Variants in INPP5F observed in about 807,000 individuals in gnomAD.
The protein encoded by INPP5F is inositol polyphosphate-5-phosphatase F, also known as phosphatidylinositide 4-phosphatase SAC2.
Under a neutral mutation model 137.2 loss-of-function variants are expected in INPP5F, and 97 were observed. That is an observed-to-expected ratio of 0.71 (90% CI 0.60 to 0.84). The LOEUF is 0.84. INPP5F is among the 40% of genes least tolerant of loss of function. INPP5F has a pLI of 0.00. For synonymous variants in INPP5F, 504 were observed against 476.9 expected (o/e 1.06, Z -0.74); for missense variants, 1,271 against 1,371.9 (o/e 0.93, Z 1.16).
intron 2 of INPP5F, among the ~76,000 whole-genome samples, chr10:119,769,387 C>T (rs901056342): frequency 6.6e-6 from 1 of 152,184 alleles, no homozygotes; most frequent in African/African-American, 2.4e-5. Context: ...CCTACCTCAG[C>T]CTCCTGAGTA....
At chr10:119,823,934 C>A in intron 19 of INPP5F, 32 bp downstream of exon 19, 1 of 1,462,854 alleles carries the variant, frequency 6.8e-7, no homozygotes, top group Non-Finnish European at 9.6e-7. Flanking sequence ...AGAATAAAGG[C>A]ATTCTTATCC....
intron 1 of INPP5F, among the ~76,000 whole-genome samples, chr10:119,730,989 A>G (rs913042045): frequency 6.6e-6 from 1 of 151,886 alleles, no homozygotes; most frequent in African/African-American, 2.4e-5. Context: ...GGGTTTTACC[A>G]TGTTGGCCAG....
intron 1 of INPP5F, among the ~76,000 whole-genome samples, chr10:119,746,035 G>T (rs914818381): frequency 1.3e-5 from 2 of 152,018 alleles, no homozygotes; most frequent in African/African-American, 4.8e-5. Flanking sequence ...TTTTTCCACA[G>T]TTGGCCTTAG....
At chr10:119,779,313 G>T (rs1849627839) in intron 2 of INPP5F, among the ~76,000 whole-genome samples, 1 of 152,074 alleles carries the variant, frequency 6.6e-6, no homozygotes, top group African/African-American at 2.4e-5. Context: ...TGAATGTGAA[G>T]GCCTAGGACA....
At position 119,751,091 on chromosome 10, in the gene INPP5F, T is replaced by G; in HGVS notation, c.113T>G (p.Leu38Arg). ...TTTATTTTAGCTACTGATCTACTTC[T>G]TGCCTGGAATCCCATTTGTTTGGGG... ...LQLRPATDLL[L>R]AWNPICLGLV... Residue 38 changes from leucine to arginine, a missense_variant, in exon 2 of 20, where the codon CTT (leucine) becomes CGT (arginine). Coordinates refer to ENST00000650623, the MANE Select transcript of INPP5F (RefSeq NM_014937.4). 1 of 1,608,086 alleles carries G rather than the reference T, an allele frequency of 6.2e-7. No individual in the cohort carries two copies. The highest frequency in any genetic ancestry group is 8.5e-7 in the Non-Finnish European group (1 of 1,174,430).
intron 12 of INPP5F, 59 bp from the exon 13 acceptor site, chr10:119,807,873 A>AT (rs1035151056): frequency 7.3e-6 from 11 of 1,499,242 alleles, no homozygotes; most frequent in African/African-American, 2.8e-5. Flanking sequence ...TGCAGTACAC[A>AT]TTTTTTGCTA....
At position 119,820,255 on chromosome 10, in the gene INPP5F, A is replaced by G. The variant is rs564355263; in HGVS notation, c.1887-591A>G. Among the ~76,000 whole-genome samples, 46 of 152,328 alleles carry G rather than the reference A, an allele frequency of 3.0e-4. 1 individual carries two copies. The South Asian group carries it at 8.9e-3, about 30-fold the overall frequency. ...TCTTGTTTTCATCATTGATTTTAGA[A>G]TGGGTATAAATATGGCAAAATGGAA... On this transcript the variant is annotated intron_variant, in intron 15 of 19. Transcript: ENST00000650623.
At chr10:119,746,402 A>G (rs1392284644) in intron 1 of INPP5F, among the ~76,000 whole-genome samples, 1 of 152,156 alleles carries the variant, frequency 6.6e-6, no homozygotes, top group East Asian at 1.9e-4. Context: ...TCTAAGGTCA[A>G]GGTGGTAGGG....
chr10:119,805,388 G>C lies in INPP5F; in HGVS notation c.1246G>C (p.Gly416Arg). The change falls in exon 11 of 20, where the codon GGA (glycine) becomes CGA (arginine). Residue 416 changes from glycine (G) to arginine (R), a missense_variant. Gly to Arg is a moderately radical substitution (Grantham distance 125). This residue lies in a region of INPP5F where 593 missense variants were observed against 712.4 expected (regional missense o/e 0.83). Coordinates refer to ENST00000650623, the MANE Select transcript of INPP5F (RefSeq NM_014937.4). Reference protein sequence around the residue: ...VSFDFHEHCRGMKFENVQTLT... With the variant: ...VSFDFHEHCRRMKFENVQTLT... The stretch of plus-strand genomic sequence containing the variant: ...TTCTTTTGGCATGGATTTTAGCCGA[G>C]GAATGAAGTTTGAGAATGTTCAGAC... 3.7e-6 allele frequency: 6 copies of C among 1,611,268 alleles called. No homozygotes were observed. The highest frequency in any genetic ancestry group is 5.1e-6 in the Non-Finnish European group (6 of 1,178,010).
intron 15 of INPP5F, chr10:119,815,887 T>G (rs1851250497): frequency 6.6e-6 from 1 of 152,498 alleles, no homozygotes; most frequent in African/African-American, 2.4e-5. Flanking sequence ...CTCACAATGG[T>G]TGAGGTGTTG....
rs1851837376 is a variant in INPP5F at position 119,827,876 on chromosome 10, C to T, written c.*96C>T. ...AATTGTACTGTCTGAACCCAGGGAT[C>T]ACAAATTCTGTTCATTGGAAAGGGT... On this transcript the variant is annotated 3_prime_UTR_variant, in exon 20 of 20. Coordinates refer to ENST00000650623, the MANE Select transcript of INPP5F (RefSeq NM_014937.4). 2.1e-6 allele frequency: 2 copies of T among 950,374 alleles called. No individual in the cohort carries two copies. Among genetic ancestry groups the T allele is most frequent in the East Asian group, 2.5e-5 (1 of 40,194 alleles). The allele number at this position is 950,374 out of a possible 1,614,324, so 58.9% of individuals were successfully genotyped here.
chr10:119,796,816 C>T lies in INPP5F; in HGVS notation c.771C>T (p.Ser257=), dbSNP rs1160232214. 1 of 1,612,938 alleles carries T rather than the reference C, an allele frequency of 6.2e-7. No homozygotes were observed. The highest frequency in any genetic ancestry group is 2.2e-5 in the East Asian group (1 of 44,890). Residue 257 remains serine (S), a synonymous_variant, in exon 7 of 20, where the codon AGC becomes AGT. Coordinates refer to ENST00000650623, the MANE Select transcript of INPP5F (RefSeq NM_014937.4). ...CCGAATCATCTGATGATGAGAAAAG[C>T]AGCCCAGAGACCCCCCCTCAGGAGT... ...NYTESSDDEK[S]SPETPPQEST... is the part of the protein sequence containing the mutation.
At chr10:119,744,738 A>T (rs1407328646) in intron 1 of INPP5F, among the ~76,000 whole-genome samples, 3 of 151,992 alleles carry the variant, frequency 2.0e-5, no homozygotes, top group African/African-American at 7.2e-5. Context: ...GAGGCAGGGG[A>T]TCTTGCTGTC....
intron 1 of INPP5F, among the ~76,000 whole-genome samples, chr10:119,734,388 G>T (rs1801275792): frequency 6.6e-6 from 1 of 152,174 alleles, no homozygotes; most frequent in Non-Finnish European, 1.5e-5. Context: ...ATTATCCAAG[G>T]ATTTATCTAA....
chr10:119,800,947 C>CAAAAAA lies in INPP5F; in HGVS notation c.1116+2353_1116+2358dup, dbSNP rs11365692. On this transcript the variant is annotated intron_variant, in intron 9 of 19. Coordinates refer to ENST00000650623, the MANE Select transcript of INPP5F (RefSeq NM_014937.4). ...CAGGTGACAGAGCAACACTCTGTCT[C>CAAAAAA]AAAAAAAAAAAAAAAAAAAAAGTGG... is the stretch of plus-strand genomic sequence containing the variant. Among the ~76,000 whole-genome samples the CAAAAAA allele has an allele frequency of 1.9e-4, 14 of 73,844 alleles. 1 individual carries two copies. In the South Asian group the frequency reaches 2.4e-3, roughly 13 times the overall value. The allele number at this position is 73,844 out of a possible 152,430, so 48.4% of individuals were successfully genotyped here. A position where few individuals can be genotyped will look rare whatever the true frequency, so the allele number is the denominator to read the frequency against.
At chr10:119,794,937 C>G (rs2134214761) in intron 6 of INPP5F, among the ~76,000 whole-genome samples, 1 of 135,048 alleles carries the variant, frequency 7.4e-6, no homozygotes, top group Admixed American at 7.0e-5. Flanking sequence ...GGGCGGCTGG[C>G]CGGGCAGAGG....
At chr10:119,822,819 AT>A (rs1851616968) in intron 17 of INPP5F, among the ~76,000 whole-genome samples, 1 of 152,212 alleles carries the variant, frequency 6.6e-6, no homozygotes, top group South Asian at 2.1e-4. Context: ...AGTGATAGAT[AT>A]GGTCTTATCA....
At chr10:119,809,351 T>G (rs1474929521) in intron 13 of INPP5F, among the ~76,000 whole-genome samples, 3 of 152,144 alleles carry the variant, frequency 2.0e-5, no homozygotes, top group African/African-American at 7.2e-5. Flanking sequence ...TAATAGAGAC[T>G]TGTTGCTCTA....
chr10:119,794,473 C>T (rs940528436), intron 6 of INPP5F, among the ~76,000 whole-genome samples: 1 of 152,036 alleles, frequency 6.6e-6, no homozygotes, highest in Non-Finnish European at 1.5e-5. Context: ...CCCACCTTTC[C>T]CCCCTTTCTA....
Sources: allele counts gnomAD v4.1 joint callset (sites outside exome capture counted in the v4.1 genomes callset), GRCh38; gene constraint gnomAD v4.1.1; regional missense constraint gnomAD v4.1.1; transcripts MANE v1.5; gene names NCBI Gene and HGNC (gene_info 2026-07-23, HGNC 2026-07-21).